CCDC154: variants seen among roughly 807,000 people sequenced by gnomAD.
The protein encoded by CCDC154 is coiled-coil domain-containing protein 154.
Under a neutral mutation model 87.5 loss-of-function variants are expected in CCDC154, and 91 were observed. The observed-to-expected ratio is 1.04, with a 90% CI of 0.88 to 1.24. CCDC154 has a LOEUF of 1.24. Ranked by LOEUF, CCDC154 falls within the 50% of genes most tolerant of loss-of-function variation. The pLI, the probability that CCDC154 is intolerant of heterozygous loss-of-function variation, is 0.00. For synonymous variants in CCDC154, 418 were observed against 400.4 expected (o/e 1.04, Z -0.52); for missense variants, 903 against 879.2 (o/e 1.03, Z -0.34).
At chr16:1,439,380 G>T in intron 6 of CCDC154, 1 of 524,598 alleles carries the variant, frequency 1.9e-6, no homozygotes, top group Non-Finnish European at 3.4e-6. Context: ...AGACACACTT[G>T]GCACCCACCA....
rs762836928 is a variant in CCDC154, at chr16:1,443,306, G to A, written c.415-5C>T. On this transcript the variant is annotated splice_region_variant and splice_polypyrimidine_tract_variant and intron_variant, in intron 3 of 16. Coordinates refer to ENST00000389176, the MANE Select transcript of CCDC154 (RefSeq NM_001143980.3). ...CTGGTTCTGGAGACCAGAGAACTGC[G>A]AGGAGGAAGAGGAGGCTGTGGGCTG... 7.1e-5 allele frequency: 110 copies of A among 1,547,608 alleles called. 1 individual carries two copies. The highest frequency in any genetic ancestry group is 1.1e-4 in the African/African-American group (8 of 72,760).
At chr16:1,442,693 C>T (rs994299153) in intron 5 of CCDC154, among the ~76,000 whole-genome samples, 164 bp from the exon 6 acceptor site, 2 of 152,214 alleles carry the variant, frequency 1.3e-5, no homozygotes, top group Non-Finnish European at 2.9e-5. Flanking sequence ...GGAAGGGCTG[C>T]TGCGAGTCTC....
Position 1,436,675 on chromosome 16 carries a change from G to A in CCDC154, c.1410+17C>T. 1.9e-5 allele frequency: 30 copies of A among 1,549,680 alleles called. No homozygotes were observed. The highest frequency in any genetic ancestry group is 2.6e-5 in the Non-Finnish European group (30 of 1,146,812). ...CCAAGGCCCAAGTACACCAAGGCTG[G>A]CTGTGCCTTCGCCCACCTGCTGGGG... is the stretch of plus-strand genomic sequence containing the variant. On this transcript the variant is annotated intron_variant, in intron 12 of 16. Transcript: ENST00000389176.
chr16:1,437,704 G>A (rs892194745), intron 11 of CCDC154, 113 bp downstream of exon 11: 31 of 1,298,798 alleles, frequency 2.4e-5, no homozygotes, highest in Non-Finnish European at 3.0e-5. Context: ...GGTGGGACGG[G>A]AGGCTTGGGA....
rs536426752 is a variant in CCDC154 at position 1,438,633 on chromosome 16, G to A, written c.1011C>T (p.Ala337=). Residue 337 remains alanine (A), a synonymous_variant, in exon 9 of 17, where the codon GCC becomes GCT. Transcript: ENST00000389176. The part of the protein sequence containing the change: ...NQASLNRVLL[A]EEKAWDAKGR... ...AGGACACCCACCAGGCTTTCTCCTC[G>A]GCCAGTAGGACACGGTTCAGCGACG... 1,141 of 1,549,992 alleles carry A rather than the reference G, an allele frequency of 7.4e-4. 11 individuals carry two copies. The African/African-American group carries it at 0.014, about 19-fold the overall frequency.
Position 1,439,051 on chromosome 16 carries a change from G to A in CCDC154, c.751C>T (p.Gln251Ter). 6.5e-7 allele frequency: 1 copy of A among 1,550,288 alleles called. No homozygotes were observed. The highest frequency in any genetic ancestry group is 8.7e-7 in the Non-Finnish European group (1 of 1,146,906). ...TTCTCCAGGGCCAGGAAGCTCTTCT[G>A]CAGGAAGCCGCACAGCTTGGCCTCC... Reference protein sequence around the residue: ...KREAKLCGFLQKSFLALEKRM... With the variant: ...KREAKLCGFL The change falls in exon 7 of 17, where the codon CAG becomes TAG. Residue 251 changes from glutamine to a stop codon, truncating the protein, a stop_gained. Transcript: ENST00000389176. LOFTEE classifies it high-confidence loss of function.
At chr16:1,443,090 G>A (rs574935935) in intron 4 of CCDC154, 115 bp from the exon 5 acceptor site, 1 of 1,406,836 alleles carries the variant, frequency 7.1e-7, no homozygotes, top group African/African-American at 1.4e-5. Flanking sequence ...CTGGGCCTCT[G>A]AAGGCCGCCC....
intron 6 of CCDC154, among the ~76,000 whole-genome samples, chr16:1,440,145 G>GA (rs35755175): frequency 0.36 from 36,717 of 101,688 alleles, 6,766 homozygotes; most frequent in Admixed American, 0.38. Context: ...GAGACTGTCA[G>GA]AAAAAAAAAA....
At chr16:1,439,245 G>A in intron 6 of CCDC154, 119 bp from the exon 7 acceptor site, 1 of 898,100 alleles carries the variant, frequency 1.1e-6, no homozygotes, top group Non-Finnish European at 1.7e-6. Flanking sequence ...CCTGAGCCCG[G>A]CTGAGCTGGG....
intron 6 of CCDC154, 134 bp from the exon 7 acceptor site, chr16:1,439,260 C>T (rs2050152): frequency 0.45 from 343,707 of 762,768 alleles, 82,317 homozygotes; most frequent in East Asian, 0.8. Context: ...GCTGGGCCTG[C>T]CACACCCTCA....
At position 1,443,635 on chromosome 16, in the gene CCDC154, G is replaced by A. The variant is rs960867456; in HGVS notation, c.285C>T (p.Arg95=). Residue 95 remains arginine (R), a synonymous_variant, in exon 3 of 17, where the codon CGC becomes CGT. Coordinates refer to ENST00000389176, the MANE Select transcript of CCDC154 (RefSeq NM_001143980.3). ...CLREHKQRCE[R]ATRSLLRELL... ...GCTCCCGCAGCAGGCTCCGCGTGGC[G>A]CGCTCACAGCGCTGCTTGTGCTCCC... 41 of 1,357,030 alleles carry A rather than the reference G, an allele frequency of 3.0e-5. No individual in the cohort carries two copies. Among genetic ancestry groups the A allele is most frequent in the African/African-American group, 7.3e-5 (5 of 68,042 alleles). The allele number at this position is 1,357,030 out of a possible 1,614,324, so 84.1% of individuals were successfully genotyped here.
In CCDC154 at chr16:1,442,947, G is replaced by A. The variant is rs1035495353; in HGVS notation, c.484C>T (p.Arg162Trp). 54 of 1,549,662 alleles carry A rather than the reference G, an allele frequency of 3.5e-5. No individual in the cohort carries two copies. The highest frequency in any genetic ancestry group is 9.8e-5 in the East Asian group (4 of 40,836). Residue 162 changes from arginine (R) to tryptophan (W), a missense_variant, in exon 5 of 17, where the codon CGG becomes TGG. By Grantham distance (101) the Arg-to-Trp change is moderately radical. Coordinates refer to ENST00000389176, the MANE Select transcript of CCDC154 (RefSeq NM_001143980.3). ...TGTTGCACCTGCCTCCTCCTGAGCC[G>A]GGTCAAGGCTTCCCGGACCTCCACC... ...RLVEVREALTRLRRRQVQQEA... is the reference protein window; with the variant it reads ...RLVEVREALTWLRRRQVQQEA...
At position 1,437,428 on chromosome 16, in the gene CCDC154, C is replaced by T. The variant is rs535047372; in HGVS notation, c.1290+389G>A. On this transcript the variant is annotated intron_variant, in intron 11 of 16. Transcript: ENST00000389176. ...TGAATGCTCTGAAACTGTGAATAGA[C>T]ACACGGAACTGTGCACGTTCACGGG... 5.3e-5 allele frequency: 11 copies of T among 207,894 alleles called. No homozygotes were observed. The East Asian group carries it at 1.4e-3, about 26-fold the overall frequency. 12.9% of individuals were successfully genotyped at this position (207,894 alleles called of 1,614,324 possible).
In CCDC154 at chr16:1,443,659, C is replaced by T. The variant is rs2038579640; in HGVS notation, c.261G>A (p.Arg87=). ...VELQAEVACL[R]EHKQRCERAT... is the part of the protein sequence containing the mutation. Reference sequence around the variant, plus strand: ...CGCGCTCACAGCGCTGCTTGTGCTCCCGCAGGCAGGCCACCTCGGCCTGCA... The same window carrying T: ...CGCGCTCACAGCGCTGCTTGTGCTCTCGCAGGCAGGCCACCTCGGCCTGCA... The change falls in exon 3 of 17, where the codon CGG becomes CGA. Residue 87 remains arginine (R), a synonymous_variant. Transcript: ENST00000389176. The T allele has an allele frequency of 6.1e-6, 8 of 1,318,432 alleles. 1 individual carries two copies. The South Asian group carries it at 1.1e-4, about 17-fold the overall frequency. The allele number at this position is 1,318,432 out of a possible 1,614,324, so 81.7% of individuals were successfully genotyped here.
At chr16:1,439,411 C>T (rs1317100714) in intron 6 of CCDC154, 1 of 452,318 alleles carries the variant, frequency 2.2e-6, no homozygotes, top group Non-Finnish European at 3.9e-6. Flanking sequence ...CCAGGGAAGG[C>T]CCCCCAGCCG....
At chr16:1,440,145 G>GAAAAAAAAAAAAAAAAAAAAAA (rs35755175) in intron 6 of CCDC154, among the ~76,000 whole-genome samples, 1 of 102,360 alleles carries the variant, frequency 9.8e-6, no homozygotes, top group African/African-American at 4.3e-5. Flanking sequence ...GAGACTGTCA[G>GAAAAAAAAAAAAAAAAAAAAAA]AAAAAAAAAA....
At chr16:1,444,190 A>G in intron 1 of CCDC154, 126 bp downstream of exon 1, 2 of 1,112,970 alleles carry the variant, frequency 1.8e-6, no homozygotes, top group Non-Finnish European at 2.4e-6. Context: ...CCCTGCCTGA[A>G]GACACACAGC....
rs770891690 is a variant in CCDC154, at chr16:1,443,251, T to A, written c.455+10A>T. ...CCCTGGGCCTGTGCCCCTAGGTGTG[T>A]GGGGGGTACCTTTTGTCCAGGGCCT... On this transcript the variant is annotated intron_variant, in intron 4 of 16. Transcript: ENST00000389176. 2.6e-5 allele frequency: 41 copies of A among 1,548,110 alleles called. No homozygotes were observed. Among genetic ancestry groups the A allele is most frequent in the Admixed American group, 4.0e-5 (2 of 50,032 alleles).
chr16:1,441,219 G>C (rs2038549464), intron 6 of CCDC154, among the ~76,000 whole-genome samples: 1 of 152,220 alleles, frequency 6.6e-6, no homozygotes, highest in African/African-American at 2.4e-5. Flanking sequence ...ATGAGCGGCA[G>C]CTCCCCCACA....
Sources: allele counts gnomAD v4.1 joint callset (sites outside exome capture counted in the v4.1 genomes callset), GRCh38; gene constraint gnomAD v4.1.1; transcripts MANE v1.5; gene names NCBI Gene and HGNC (gene_info 2026-07-23, HGNC 2026-07-21).